DNM3: variants seen among roughly 807,000 people sequenced by gnomAD.
DNM3 encodes the protein dynamin 3.
Under a neutral mutation model 101.6 loss-of-function variants are expected in DNM3, and 47 were observed. The ratio of observed to expected loss-of-function variants is 0.46; its 90% CI spans 0.37 to 0.59. The LOEUF is 0.59. Among genes scored for constraint, DNM3 ranks in the 20% least tolerant of loss-of-function variants. DNM3 has a pLI of 0.00. For synonymous variants in DNM3, 385 were observed against 387.9 expected (o/e 0.99, Z 0.09); for missense variants, 849 against 1,085.7 (o/e 0.78, Z 3.06).
intron 15 of DNM3, among the ~76,000 whole-genome samples, chr1:172,302,305 G>A (rs1011401549): frequency 1.3e-5 from 2 of 152,226 alleles, no homozygotes; most frequent in African/African-American, 4.8e-5. Flanking sequence ...CCAGGCAGCA[G>A]CCTAGCAGGG....
intron 15 of DNM3, among the ~76,000 whole-genome samples, chr1:172,261,174 A>G (rs1311967946): frequency 6.6e-6 from 1 of 152,144 alleles, no homozygotes; most frequent in Non-Finnish European, 1.5e-5. Flanking sequence ...CAAGGTGTCA[A>G]ATATTCTTGC....
At chr1:171,849,271 C>A (rs541125930) in intron 1 of DNM3, among the ~76,000 whole-genome samples, 2 of 152,288 alleles carry the variant, frequency 1.3e-5, no homozygotes, top group African/African-American at 4.8e-5. Context: ...CTCTGACTCT[C>A]ACTGGTAGCA....
At chr1:172,009,677 A>G (rs1237813827) in intron 4 of DNM3, among the ~76,000 whole-genome samples, 1 of 151,644 alleles carries the variant, frequency 6.6e-6, no homozygotes, top group African/African-American at 2.4e-5. Context: ...GAGAGAACTG[A>G]CTTAACAGTA....
rs2071248991 is a variant in DNM3, at chr1:172,412,201, CTCAAG to C, written c.*4364_*4368del. 7 of 985,588 alleles carry C rather than the reference CTCAAG, an allele frequency of 7.1e-6. No individual in the cohort carries two copies. The highest frequency in any genetic ancestry group is 8.4e-6 in the Non-Finnish European group (7 of 829,796). 61.1% of individuals were successfully genotyped at this position (985,588 alleles called of 1,614,324 possible). A position where few individuals can be genotyped will look rare whatever the true frequency, so the allele number is the denominator to read the frequency against. ...GTTGGAGGTTTCACATATGGCTCAA[CTCAAG>C]TCATTAATCTCTTTTTAATTTTTAC... On this transcript the variant is annotated 3_prime_UTR_variant, in exon 21 of 21. Transcript: ENST00000627582.
intron 2 of DNM3, among the ~76,000 whole-genome samples, chr1:171,974,749 A>G (rs141937373): frequency 6.6e-4 from 100 of 152,332 alleles, no homozygotes; most frequent in African/African-American, 2.3e-3. Context: ...AGTTTATCCC[A>G]ATTTAGATAA....
At chr1:171,890,531 T>C (rs1355438339) in intron 1 of DNM3, among the ~76,000 whole-genome samples, 1 of 152,192 alleles carries the variant, frequency 6.6e-6, no homozygotes, top group Non-Finnish European at 1.5e-5. Flanking sequence ...CCTGACTCAC[T>C]GAATGAAAAA....
At chr1:172,388,467 CA>C (rs1041592531) in intron 19 of DNM3, 105 bp from the exon 20 acceptor site, 6 of 978,570 alleles carry the variant, frequency 6.1e-6, no homozygotes, top group African/African-American at 1.6e-5. Context: ...TGGACTTATT[CA>C]GTCAAAAAAT....
intron 4 of DNM3, among the ~76,000 whole-genome samples, chr1:172,014,808 T>C (rs1303303643): frequency 2.0e-5 from 3 of 152,112 alleles, no homozygotes; most frequent in Admixed American, 6.5e-5. Context: ...AGTCCCCTTA[T>C]TGATTATTTC....
chr1:172,222,643 T>A (rs988014734), intron 14 of DNM3, among the ~76,000 whole-genome samples: 3 of 152,138 alleles, frequency 2.0e-5, no homozygotes, highest in African/African-American at 7.2e-5. Flanking sequence ...GGGCTGAGAA[T>A]TGGATATGTT....
intron 17 of DNM3, among the ~76,000 whole-genome samples, chr1:172,354,255 C>A (rs1236277893): frequency 6.6e-6 from 1 of 152,040 alleles, no homozygotes; most frequent in Admixed American, 6.6e-5. Flanking sequence ...GAGTTAGTCA[C>A]GCAGACACTC....
intron 2 of DNM3, 120 bp downstream of exon 2, chr1:171,921,941 C>A: frequency 1.4e-6 from 1 of 734,356 alleles, no homozygotes; most frequent in Non-Finnish European, 2.3e-6. Flanking sequence ...GGGCAGCTGC[C>A]CACATTTCTC....
intron 14 of DNM3, among the ~76,000 whole-genome samples, chr1:172,150,631 G>A (rs752517627): frequency 7.9e-5 from 12 of 152,200 alleles, no homozygotes; most frequent in Admixed American, 3.3e-4. Context: ...AGATGAGGAA[G>A]CAGAAGCTCA....
chr1:171,974,281 T>C (rs1265109254), intron 2 of DNM3, among the ~76,000 whole-genome samples: 4 of 152,226 alleles, frequency 2.6e-5, no homozygotes, highest in Non-Finnish European at 5.9e-5. Context: ...GTGATCTATA[T>C]TATTCATATT....
At chr1:171,904,304 T>A (rs2038630201) in intron 1 of DNM3, among the ~76,000 whole-genome samples, 1 of 152,132 alleles carries the variant, frequency 6.6e-6, no homozygotes, top group African/African-American at 2.4e-5. Flanking sequence ...TAAGACCCTG[T>A]CTCAAAAGAA....
rs534076520 is a variant in DNM3 at position 172,055,844 on chromosome 1, A to T, written c.1335+7094A>T. 5.3e-5 allele frequency among the ~76,000 whole-genome samples: 8 copies of T among 152,230 alleles called. No individual in the cohort carries two copies. The East Asian group carries it at 1.4e-3, about 26-fold the overall frequency. The stretch of plus-strand genomic sequence containing the variant: ...ACTTGCATTTCGGGGAGGAGCCAAG[A>T]TGGCCAAATAGGAACAGCTTCGGTC... On this transcript the variant is annotated intron_variant, in intron 10 of 20. Transcript: ENST00000627582.
intron 1 of DNM3, among the ~76,000 whole-genome samples, chr1:171,918,832 G>A (rs1170233813): frequency 2.0e-5 from 3 of 152,182 alleles, no homozygotes; most frequent in African/African-American, 4.8e-5. Flanking sequence ...TATTTATAAT[G>A]TTTGATACAT....
At chr1:171,891,216 G>A (rs2037245609) in intron 1 of DNM3, among the ~76,000 whole-genome samples, 1 of 151,962 alleles carries the variant, frequency 6.6e-6, no homozygotes, top group Admixed American at 6.6e-5. Context: ...TTAGAGATGG[G>A]GCTGCAGGTA....
chr1:172,085,278 T>C (rs1480276605), intron 12 of DNM3, among the ~76,000 whole-genome samples: 1 of 152,132 alleles, frequency 6.6e-6, no homozygotes, highest in African/African-American at 2.4e-5. Context: ...TTACATATAT[T>C]TTTACATAAT....
intron 15 of DNM3, among the ~76,000 whole-genome samples, chr1:172,258,234 A>G (rs773264527): frequency 2.0e-4 from 30 of 152,104 alleles, no homozygotes; most frequent in Non-Finnish European, 3.5e-4. Context: ...AAATAGTACT[A>G]CAATAAACAT....
Sources: allele counts gnomAD v4.1 joint callset (sites outside exome capture counted in the v4.1 genomes callset), GRCh38; gene constraint gnomAD v4.1.1; transcripts MANE v1.5; gene names NCBI Gene and HGNC (gene_info 2026-07-23, HGNC 2026-07-21).